PCDH9: variants seen among roughly 807,000 people sequenced by gnomAD.
PCDH9 encodes the protein protocadherin 9, also known as protocadherin-9.
Under a neutral mutation model 70.6 loss-of-function variants are expected in PCDH9, and 24 were observed. That is an observed-to-expected ratio of 0.34 (90% CI 0.25 to 0.48). The LOEUF (loss-of-function observed/expected upper bound fraction) is 0.48. Among genes scored for constraint, PCDH9 ranks in the 20% least tolerant of loss-of-function variants. The probability of loss-of-function intolerance (pLI) is 0.99; values close to 1 mark genes in which losing one functional copy is unlikely to be tolerated. For synonymous variants in PCDH9, 562 were observed against 558.5 expected (o/e 1.01, Z -0.09); for missense variants, 1,281 against 1,503.6 (o/e 0.85, Z 2.45).
At chr13:66,668,713 C>A (rs2078130560) in intron 3 of PCDH9, among the ~76,000 whole-genome samples, 1 of 152,114 alleles carries the variant, frequency 6.6e-6, no homozygotes, top group Non-Finnish European at 1.5e-5. Flanking sequence ...ATTTGGGGAG[C>A]AACTTATTGA....
intron 4 of PCDH9, among the ~76,000 whole-genome samples, chr13:66,481,340 C>T (rs1217326187): frequency 3.3e-5 from 5 of 151,530 alleles, no homozygotes; most frequent in Non-Finnish European, 7.4e-5. Context: ...CCACCTCAAC[C>T]TTCAGCACTC....
chr13:66,922,779 A>C (rs2082657733), intron 2 of PCDH9, among the ~76,000 whole-genome samples: 1 of 151,504 alleles, frequency 6.6e-6, no homozygotes. Flanking sequence ...TTTTAGAGTT[A>C]AGTTTTTCTT....
intron 3 of PCDH9, among the ~76,000 whole-genome samples, chr13:66,681,184 G>A (rs1555567): frequency 0.98 from 148,643 of 152,172 alleles, 72,700 homozygotes; most frequent in East Asian, 1. Flanking sequence ...TACTATTTGT[G>A]TATTTGATGA....
At chr13:66,692,166 C>T (rs9571629) in intron 3 of PCDH9, among the ~76,000 whole-genome samples, 47,003 of 151,964 alleles carry the variant, frequency 0.31, 8,227 homozygotes, top group East Asian at 0.51. Flanking sequence ...CAATTTACCT[C>T]CATGTTATGA....
intron 2 of PCDH9, among the ~76,000 whole-genome samples, chr13:66,944,962 C>T (rs1035647137): frequency 6.6e-6 from 1 of 151,906 alleles, no homozygotes; most frequent in African/African-American, 2.4e-5. Context: ...GCTCAGGACA[C>T]ACTACCCTAA....
At chr13:66,717,574 A>G (rs1340972779) in intron 3 of PCDH9, among the ~76,000 whole-genome samples, 5 of 148,978 alleles carry the variant, frequency 3.4e-5, no homozygotes, top group Non-Finnish European at 3.0e-5. Context: ...AACTTTGATT[A>G]AGGGTTTTAG....
rs931700971 is a variant in PCDH9 at position 66,311,960 on chromosome 13, T to C, written c.3341-6932A>G. 2.6e-5 allele frequency among the ~76,000 whole-genome samples: 4 copies of C among 152,190 alleles called. No individual in the cohort carries two copies. In the East Asian group the frequency reaches 7.7e-4, roughly 29 times the overall value. ...GTACTTTGGGGAGAAATGCTTTCCA[T>C]TCATTTATTCAATAATTTCTGATTT... On this transcript the variant is annotated intron_variant, in intron 4 of 4. Coordinates refer to ENST00000377865, the MANE Select transcript of PCDH9 (RefSeq NM_203487.3).
intron 2 of PCDH9, among the ~76,000 whole-genome samples, chr13:67,142,588 C>G (rs1035313156): frequency 6.6e-6 from 1 of 151,888 alleles, no homozygotes; most frequent in African/African-American, 2.4e-5. Flanking sequence ...GCAAAGACAA[C>G]CTTTGAGAGT....
intron 4 of PCDH9, among the ~76,000 whole-genome samples, chr13:66,596,971 G>T (rs1283751870): frequency 6.6e-6 from 1 of 151,062 alleles, no homozygotes; most frequent in East Asian, 2.0e-4. Flanking sequence ...ATAGCGTTAG[G>T]TAGGGGTCAT....
chr13:66,976,891 T>C (rs2083631603), intron 2 of PCDH9, among the ~76,000 whole-genome samples: 1 of 152,146 alleles, frequency 6.6e-6, no homozygotes, highest in Admixed American at 6.6e-5. Flanking sequence ...CATTGTATAA[T>C]TCCTGAGGGT....
intron 4 of PCDH9, among the ~76,000 whole-genome samples, chr13:66,451,899 C>T (rs76468851): frequency 0.018 from 2,781 of 152,244 alleles, 78 homozygotes; most frequent in East Asian, 0.082. Flanking sequence ...ATAACAATGG[C>T]AATAACTATC....
chr13:66,832,450 CA>C (rs2080944350), intron 3 of PCDH9, among the ~76,000 whole-genome samples: 1 of 151,888 alleles, frequency 6.6e-6, no homozygotes, highest in African/African-American at 2.4e-5. Context: ...ACTTTATAGA[CA>C]TTTATGCAAA....
At position 67,192,901 on chromosome 13, in the gene PCDH9, T is replaced by C. The variant is rs56081193; in HGVS notation, c.3036+32504A>G. Among the ~76,000 whole-genome samples, 207 of 152,272 alleles carry C rather than the reference T, an allele frequency of 1.4e-3. 1 individual carries two copies. Among genetic ancestry groups the C allele is most frequent in the African/African-American group, 4.7e-3 (195 of 41,572 alleles). On this transcript the variant is annotated intron_variant, in intron 2 of 4. Coordinates refer to ENST00000377865, the MANE Select transcript of PCDH9 (RefSeq NM_203487.3). Reference sequence around the variant, plus strand: ...CAGTTCACGTAAGATACTATTATCTTTCAACGAGTAGCAGAAAGGGAAAAC... The same window carrying C: ...CAGTTCACGTAAGATACTATTATCTCTCAACGAGTAGCAGAAAGGGAAAAC...
intron 2 of PCDH9, among the ~76,000 whole-genome samples, chr13:67,194,361 C>G (rs990105334): frequency 8.7e-6 from 1 of 114,494 alleles, no homozygotes; most frequent in Admixed American, 8.9e-5. Context: ...AGTTTTTTAA[C>G]TTTTATCTTT....
intron 2 of PCDH9, among the ~76,000 whole-genome samples, chr13:67,034,157 G>A (rs890233286): frequency 1.3e-5 from 2 of 151,954 alleles, no homozygotes; most frequent in African/African-American, 2.4e-5. Context: ...GCTAATTTTT[G>A]TATTTTTAGT....
At chr13:66,888,394 C>T (rs148942256) in intron 3 of PCDH9, among the ~76,000 whole-genome samples, 11 of 151,694 alleles carry the variant, frequency 7.3e-5, no homozygotes, top group East Asian at 5.8e-4. Flanking sequence ...CCCAGCTACT[C>T]GGGAGGCTGA....
intron 2 of PCDH9, among the ~76,000 whole-genome samples, chr13:67,108,075 T>C (rs1555307989): frequency 6.6e-6 from 1 of 152,216 alleles, no homozygotes; most frequent in Non-Finnish European, 1.5e-5. Context: ...CTATGCACAG[T>C]GGCCAGACCC....
intron 4 of PCDH9, among the ~76,000 whole-genome samples, chr13:66,411,476 T>C (rs28432947): frequency 6.6e-6 from 1 of 152,128 alleles, no homozygotes; most frequent in Admixed American, 6.6e-5. Flanking sequence ...CTTTTAGATA[T>C]GGGGTCTCAC....
intron 3 of PCDH9, among the ~76,000 whole-genome samples, chr13:66,860,676 G>GT (rs2081468248): frequency 6.6e-6 from 1 of 152,208 alleles, no homozygotes. Flanking sequence ...CCAGTGTCCT[G>GT]TTGTGAGACT....
Sources: allele counts gnomAD v4.1 joint callset (sites outside exome capture counted in the v4.1 genomes callset), GRCh38; gene constraint gnomAD v4.1.1; transcripts MANE v1.5; gene names NCBI Gene and HGNC (gene_info 2026-07-23, HGNC 2026-07-21).